Variants in ULK1 observed in about 807,000 individuals in gnomAD.
ULK1 encodes serine/threonine-protein kinase ULK1.
Under a neutral mutation model 117.5 loss-of-function variants are expected in ULK1, and 48 were observed. The ratio of observed to expected loss-of-function variants is 0.41; its 90% confidence interval spans 0.32 to 0.52. The LOEUF is 0.52. ULK1 is among the 20% of genes least tolerant of loss of function. ULK1 has a pLI of 0.29. For synonymous variants in ULK1, 790 were observed against 637.8 expected, an observed-to-expected ratio of 1.24 and a Z score of -3.60; for missense variants, 1,387 against 1,473.4, an observed-to-expected ratio of 0.94 and a Z score of 0.96.
intron 19 of ULK1, 23 bp downstream of exon 19, chr12:131,916,182 C>T: frequency 1.2e-6 from 2 of 1,602,814 alleles, no homozygotes; most frequent in Non-Finnish European, 1.7e-6. Flanking sequence ...GCCATGTGTG[C>T]AGGGGCACAG....
Position 131,915,412 on chromosome 12 carries a change from C to T in ULK1, c.1600C>T (p.Pro534Ser). The stretch of plus-strand genomic sequence containing the variant: ...AGCTGAGATGCGGGGTGGCAGGTCC[C>T]CTCGTCCAGGTGGGTGCAGTCCGGA... ...QGAEMRGGRS[P>S]RPGSSAPEHS... The change falls in exon 18 of 28, where the codon CCT becomes TCT. Residue 534 changes from proline to serine, a missense_variant. Coordinates refer to ENST00000321867, the MANE Select transcript of ULK1 (RefSeq NM_003565.4). The T allele has an allele frequency of 6.2e-7, 1 of 1,612,622 alleles. No homozygotes were observed. Among genetic ancestry groups the T allele is most frequent in the Non-Finnish European group, 8.5e-7 (1 of 1,179,966 alleles).
Position 131,908,749 on chromosome 12 carries a change from C to G in ULK1, c.422C>G (p.Pro141Arg). The stretch of plus-strand genomic sequence containing the variant: ...GGCATCATCCACCGCGACCTGAAAC[C>G]GCAGAACATCCTGCTGTCCAACCCC... The part of the protein sequence containing the change: ...SKGIIHRDLK[P>R]QNILLSNPAG... Residue 141 changes from proline (P) to arginine (R), a missense_variant, in exon 6 of 28, where the codon CCG becomes CGG. Pro to Arg is a moderately radical substitution (Grantham distance 103, BLOSUM62 -2). Around this residue, in one of 4 missense-constraint regions of ULK1, gnomAD observed 224 missense variants for 325.2 expected, o/e 0.69. Coordinates refer to ENST00000321867, the MANE Select transcript of ULK1 (RefSeq NM_003565.4). 6.2e-7 allele frequency: 1 copy of G among 1,608,948 alleles called. No individual in the cohort carries two copies. Among genetic ancestry groups the G allele is most frequent in the Non-Finnish European group, 8.5e-7 (1 of 1,178,672 alleles).
chr12:131,906,857 C>A, intron 3 of ULK1, 35 bp from the exon 4 acceptor site: 1 of 1,613,874 alleles, frequency 6.2e-7, no homozygotes, highest in Admixed American at 1.7e-5. Flanking sequence ...CCCGGTGGCA[C>A]TGGGACCTCT....
chr12:131,900,739 C>G (rs370322668), intron 3 of ULK1, among the ~76,000 whole-genome samples: 1 of 152,274 alleles, frequency 6.6e-6, no homozygotes, highest in African/African-American at 2.4e-5. Flanking sequence ...GAGCCGCTGC[C>G]TGTGAGTTAC....
At chr12:131,909,004 G>C (rs372632934) in intron 7 of ULK1, 33 bp downstream of exon 7, 51 of 1,612,550 alleles carry the variant, frequency 3.2e-5, no homozygotes, top group Non-Finnish European at 4.1e-5. Context: ...GTGCCGGGTG[G>C]GCGCCTCTCT....
intron 3 of ULK1, among the ~76,000 whole-genome samples, chr12:131,901,009 T>C (rs1359770509): frequency 6.6e-6 from 1 of 151,542 alleles, no homozygotes; most frequent in Non-Finnish European, 1.5e-5. Context: ...GCCCAGGCAG[T>C]TCTGGAATTA....
intron 8 of ULK1, 96 bp downstream of exon 8, chr12:131,909,333 A>C: frequency 7.4e-7 from 1 of 1,352,602 alleles, no homozygotes; most frequent in Non-Finnish European, 9.9e-7. Context: ...CCCGCGCCCC[A>C]CGAGCTCCCC....
Position 131,922,010 on chromosome 12 carries a change from C to CT in ULK1, c.*650dup, listed in dbSNP as rs747147700. On this transcript the variant is annotated 3_prime_UTR_variant, in exon 28 of 28. Coordinates refer to ENST00000321867, the MANE Select transcript of ULK1 (RefSeq NM_003565.4). ...GTCTGGACCTCAGCGGGAGAACTGG[C>CT]TCCGGGGGGAGTGGGGCCCTGCGCT... 2.2e-6 allele frequency: 1 copy of CT among 454,764 alleles called. No homozygotes were observed. Among genetic ancestry groups the CT allele is most frequent in the South Asian group, 1.6e-5 (1 of 64,516 alleles). 28.2% of individuals were successfully genotyped at this position (454,764 alleles called of 1,614,324 possible).
intron 5 of ULK1, 174 bp from the exon 6 acceptor site, chr12:131,908,470 C>A: frequency 1.4e-6 from 1 of 694,364 alleles, no homozygotes; most frequent in Non-Finnish European, 2.2e-6. Flanking sequence ...TTCAGGTGCG[C>A]CCTGGTCTCG....
Position 131,915,265 on chromosome 12 carries a change from T to C in ULK1, c.1522+34T>C, listed in dbSNP as rs1360695374. 1.7e-5 allele frequency: 27 copies of C among 1,607,352 alleles called. No homozygotes were observed. The South Asian group carries it at 2.9e-4, about 17-fold the overall frequency. On this transcript the variant is annotated intron_variant, in intron 17 of 27. Transcript: ENST00000321867. ...GCAGGCTGGGGCCTGGGAAGGGGCG[T>C]CTGTAGGCAGTGGGTGAGGAGGCTG...
chr12:131,921,117 G>A lies in ULK1; in HGVS notation c.2979G>A (p.Leu993=), dbSNP rs539054048. The A allele has an allele frequency of 2.5e-6, 4 of 1,599,574 alleles. No individual in the cohort carries two copies. The highest frequency in any genetic ancestry group is 2.7e-5 in the African/African-American group (2 of 75,002). ...GCCCCCAGGTGCAGTCGGCTGCCCT[G>A]GACGAGATGTTCCAGCACCGTGAGG... ...HAVQMVQSAA[L]DEMFQHREGC... The change falls in exon 27 of 28, where the codon CTG becomes CTA. Residue 993 remains leucine, a synonymous_variant. Coordinates refer to ENST00000321867, the MANE Select transcript of ULK1 (RefSeq NM_003565.4).
chr12:131,905,554 T>C (rs1419490919), intron 3 of ULK1, among the ~76,000 whole-genome samples: 1 of 152,024 alleles, frequency 6.6e-6, no homozygotes, highest in East Asian at 1.9e-4. Flanking sequence ...ACCTAGAGCA[T>C]GTGGATGTGT....
rs763806306 is a variant in ULK1 at position 131,913,731 on chromosome 12, C to T, written c.1158-16C>T. The T allele has an allele frequency of 3.4e-6, 5 of 1,487,592 alleles. No individual in the cohort carries two copies. The highest frequency in any genetic ancestry group is 4.5e-6 in the Non-Finnish European group (5 of 1,116,988). The allele number at this position is 1,487,592 out of a possible 1,614,324, so 92.1% of individuals were successfully genotyped here. A position where few individuals can be genotyped will look rare whatever the true frequency, so the allele number is the denominator to read the frequency against. Reference sequence around the variant, plus strand: ...AAAAACAAAAAAATGCCCTTGGCCTCCCTTCTGCCCCACAGGAGCTCACTG... The same window carrying T: ...AAAAACAAAAAAATGCCCTTGGCCTTCCTTCTGCCCCACAGGAGCTCACTG... On this transcript the variant is annotated splice_polypyrimidine_tract_variant and intron_variant, in intron 14 of 27. Transcript: ENST00000321867.
At position 131,919,221 on chromosome 12, in the gene ULK1, A is replaced by C; in HGVS notation, c.2521A>C (p.Thr841Pro). Reference sequence around the variant, plus strand: ...CGGCCGCTTCCTGCAGCAAGAGCACACGGAGATCCTGCGTGGCCTGCGCTT... The same window carrying C: ...CGGCCGCTTCCTGCAGCAAGAGCACCCGGAGATCCTGCGTGGCCTGCGCTT... Reference protein sequence around the residue: ...PEETLMEQEHTEILRGLRFTL... With the variant: ...PEETLMEQEHPEILRGLRFTL... The change falls in exon 24 of 28, where the codon ACG (threonine) becomes CCG (proline). Residue 841 changes from threonine (T) to proline (P), a missense_variant. Transcript: ENST00000321867. 6.3e-7 allele frequency: 1 copy of C among 1,594,886 alleles called. No individual in the cohort carries two copies. Among genetic ancestry groups the C allele is most frequent in the Non-Finnish European group, 8.5e-7 (1 of 1,176,662 alleles).
intron 8 of ULK1, 88 bp downstream of exon 8, chr12:131,909,325 C>A: frequency 7.1e-7 from 1 of 1,399,302 alleles, no homozygotes. Context: ...GAGCCCTGCC[C>A]GCGCCCCACG....
At chr12:131,911,340 A>T (rs1452091798) in intron 12 of ULK1, among the ~76,000 whole-genome samples, 1 of 152,126 alleles carries the variant, frequency 6.6e-6, no homozygotes, top group Non-Finnish European at 1.5e-5. Flanking sequence ...CTGCTCTGTG[A>T]CCAGGGACCG....
At chr12:131,916,630 G>A in intron 20 of ULK1, 39 bp downstream of exon 20, 1 of 1,503,418 alleles carries the variant, frequency 6.7e-7, no homozygotes. Flanking sequence ...GCTTCTGAGG[G>A]GCAGCCTCTT....
chr12:131,909,515 G>C (rs1209626476), intron 8 of ULK1, among the ~76,000 whole-genome samples: 1 of 152,172 alleles, frequency 6.6e-6, no homozygotes, highest in Non-Finnish European at 1.5e-5. Flanking sequence ...CCTGGTCAGA[G>C]GTGAGGGCAG....
intron 12 of ULK1, 67 bp from the exon 13 acceptor site, chr12:131,911,875 G>A (rs1273171227): frequency 7.1e-5 from 114 of 1,609,558 alleles, no homozygotes; most frequent in Non-Finnish European, 8.4e-5. Context: ...TCCCAGGAGG[G>A]GGAATTTGCT....
Sources: allele counts gnomAD v4.1 joint callset (sites outside exome capture counted in the v4.1 genomes callset), GRCh38; gene constraint gnomAD v4.1.1; regional missense constraint gnomAD v4.1.1; transcripts MANE v1.5; gene names NCBI Gene and HGNC (gene_info 2026-07-23, HGNC 2026-07-21).